PAG1: variants seen among roughly 807,000 people sequenced by gnomAD.
PAG1 encodes the protein phosphoprotein associated with glycosphingolipid-enriched microdomains 1.
PAG1 carries 23 observed loss-of-function variants against 31.7 expected under a neutral mutation model. The observed-to-expected ratio is 0.73, with a 90% CI of 0.52 to 1.03. The LOEUF is 1.03. Among genes scored for constraint, PAG1 ranks in the 50% least tolerant of loss-of-function variants. PAG1 has a pLI of 0.00. For missense variants in PAG1, 473 were observed against 540.7 expected, an observed-to-expected ratio of 0.87 and a Z score of 1.24; for synonymous variants, 214 against 210.3, an observed-to-expected ratio of 1.02 and a Z score of -0.15.
At chr8:81,047,790 G>A (rs1808665442) in intron 2 of PAG1, among the ~76,000 whole-genome samples, 1 of 152,126 alleles carries the variant, frequency 6.6e-6, no homozygotes, top group Admixed American at 6.5e-5. Context: ...GGAAATTATA[G>A]GCTCTTTGCT....
At chr8:81,027,084 C>A (rs548239321) in intron 3 of PAG1, among the ~76,000 whole-genome samples, 3 of 151,898 alleles carry the variant, frequency 2.0e-5, no homozygotes, top group African/African-American at 4.8e-5. Flanking sequence ...GATCTCAGCT[C>A]ACTGCAGCCT....
intron 2 of PAG1, among the ~76,000 whole-genome samples, chr8:81,036,066 A>T (rs1315594041): frequency 6.6e-6 from 1 of 152,140 alleles, no homozygotes; most frequent in African/African-American, 2.4e-5. Context: ...GTTTATACTG[A>T]TCCCTGTGAC....
At chr8:81,039,805 C>T (rs1299663741) in intron 2 of PAG1, among the ~76,000 whole-genome samples, 2 of 152,124 alleles carry the variant, frequency 1.3e-5, no homozygotes, top group Non-Finnish European at 2.9e-5. Flanking sequence ...ATCAAAATAA[C>T]AGGTAGGTTC....
At chr8:81,048,721 CA>C (rs1808680032) in intron 2 of PAG1, among the ~76,000 whole-genome samples, 1 of 152,116 alleles carries the variant, frequency 6.6e-6, no homozygotes, top group Non-Finnish European at 1.5e-5. Flanking sequence ...TGATTTACAT[CA>C]ACGACGCTAG....
chr8:81,058,947 T>TAA (rs1808872723), intron 2 of PAG1, among the ~76,000 whole-genome samples: 1 of 152,182 alleles, frequency 6.6e-6, no homozygotes, highest in African/African-American at 2.4e-5. Context: ...TATAACTATT[T>TAA]CTTTAATAAT....
rs138317242 is a variant in PAG1, at chr8:80,984,942, C to G, written c.710G>C (p.Arg237Pro). The change falls in exon 7 of 9, where the codon CGT becomes CCT. Residue 237 changes from arginine to proline, a missense_variant. Coordinates refer to ENST00000220597, the MANE Select transcript of PAG1 (RefSeq NM_018440.4). ...YASVDRNKKC[R>P]QSVNVESILG... is the part of the protein sequence containing the mutation. Reference sequence around the variant, plus strand: ...GATACTCTCTACATTAACACTTTGACGACATTTTTTGTTTCTGTCCACCGA... The same window carrying G: ...GATACTCTCTACATTAACACTTTGAGGACATTTTTTGTTTCTGTCCACCGA... The G allele has an allele frequency of 6.2e-7, 1 of 1,614,110 alleles. No individual in the cohort carries two copies. Among genetic ancestry groups the G allele is most frequent in the Non-Finnish European group, 8.5e-7 (1 of 1,180,020 alleles).
intron 2 of PAG1, among the ~76,000 whole-genome samples, chr8:81,045,918 C>G (rs1044716255): frequency 3.9e-5 from 6 of 152,146 alleles, no homozygotes; most frequent in African/African-American, 9.7e-5. Context: ...CATGTCAGGC[C>G]CATTTACTCT....
chr8:81,007,467 CA>C (rs10563214), intron 3 of PAG1, among the ~76,000 whole-genome samples: 27,970 of 128,106 alleles, frequency 0.22, 3,270 homozygotes, highest in African/African-American at 0.35. Flanking sequence ...TACAAAAATA[CA>C]AAAAAAAAAA....
intron 7 of PAG1, among the ~76,000 whole-genome samples, chr8:80,981,979 C>T (rs145954153): frequency 0.014 from 2,069 of 150,090 alleles, 21 homozygotes; most frequent in Non-Finnish European, 0.023. Flanking sequence ...CATTGTCCCA[C>T]CTCAGCCTCC....
intron 2 of PAG1, among the ~76,000 whole-genome samples, chr8:81,046,790 T>C (rs912846020): frequency 6.6e-6 from 1 of 152,102 alleles, no homozygotes; most frequent in African/African-American, 2.4e-5. Flanking sequence ...TACCATCACC[T>C]AGGTATTAAG....
In PAG1 at chr8:81,012,221, C is replaced by T. The variant is rs116179650; in HGVS notation, c.-81+17775G>A. 6.7e-3 allele frequency among the ~76,000 whole-genome samples: 1,020 copies of T among 152,260 alleles called. 6 individuals are homozygous for T. The highest frequency in any genetic ancestry group is 0.024 in the African/African-American group (983 of 41,520). ...AGAGTACTGGCCAAGAAGTCAGCTG[C>T]AATATCTTCAGGACAAATCCTACTG... On this transcript the variant is annotated intron_variant, in intron 3 of 8. Coordinates refer to ENST00000220597, the MANE Select transcript of PAG1 (RefSeq NM_018440.4).
At chr8:81,049,760 A>G (rs1042831287) in intron 2 of PAG1, among the ~76,000 whole-genome samples, 2 of 152,320 alleles carry the variant, frequency 1.3e-5, no homozygotes, top group South Asian at 2.1e-4. Flanking sequence ...TTCCATTAAA[A>G]CGACAGGAAA....
intron 1 of PAG1, among the ~76,000 whole-genome samples, chr8:81,096,160 G>A (rs1273190824): frequency 6.6e-6 from 1 of 152,144 alleles, no homozygotes; most frequent in Admixed American, 6.5e-5. Flanking sequence ...ATATTTGGAA[G>A]AAATAATTCC....
At chr8:81,104,857 CT>C (rs1809667988) in intron 1 of PAG1, among the ~76,000 whole-genome samples, 1 of 152,208 alleles carries the variant, frequency 6.6e-6, no homozygotes, top group South Asian at 2.1e-4. Context: ...AGTGATCATT[CT>C]AAAAAAGTAC....
chr8:80,967,906 T>C lies in PAG1; in HGVS notation c.*8638A>G. The C allele has an allele frequency of 6.6e-6, 1 of 152,264 alleles. No individual in the cohort carries two copies. Among genetic ancestry groups the C allele is most frequent in the East Asian group, 1.9e-4 (1 of 5,204 alleles). 9.4% of individuals were successfully genotyped at this position (152,264 alleles called of 1,614,324 possible). On this transcript the variant is annotated 3_prime_UTR_variant, in exon 9 of 9. Coordinates refer to ENST00000220597, the MANE Select transcript of PAG1 (RefSeq NM_018440.4). ...CATACCTGCTATTTACATGTAATCA[T>C]ACTTTTATATATAGCTTGAATAAGT... is the stretch of plus-strand genomic sequence containing the variant.
intron 3 of PAG1, among the ~76,000 whole-genome samples, chr8:80,996,338 A>T (rs1434733276): frequency 6.6e-6 from 1 of 152,184 alleles, no homozygotes; most frequent in Non-Finnish European, 1.5e-5. Flanking sequence ...AGACTAACAT[A>T]ATCTTTGATC....
intron 2 of PAG1, among the ~76,000 whole-genome samples, chr8:81,060,302 T>C (rs547993240): frequency 5.8e-4 from 88 of 152,292 alleles, no homozygotes; most frequent in African/African-American, 1.9e-3. Context: ...CTGAAATGTG[T>C]AACTATTAAT....
intron 1 of PAG1, among the ~76,000 whole-genome samples, chr8:81,085,974 T>TTTTTG (rs1563425310): frequency 2.5e-4 from 26 of 104,628 alleles, no homozygotes; most frequent in African/African-American, 1.3e-3. Context: ...TCTGGCTTGT[T>TTTTTG]TTTTTTTTTT....
chr8:81,084,787 T>C (rs190160168), intron 1 of PAG1, among the ~76,000 whole-genome samples: 17 of 152,332 alleles, frequency 1.1e-4, no homozygotes, highest in East Asian at 7.7e-4. Context: ...AGTCACGATA[T>C]TAGAGCAGAC....
Sources: allele counts gnomAD v4.1 joint callset (sites outside exome capture counted in the v4.1 genomes callset), GRCh38; gene constraint gnomAD v4.1.1; transcripts MANE v1.5; gene names NCBI Gene and HGNC (gene_info 2026-07-23, HGNC 2026-07-21).